The following LTO1 variants were observed in gnomAD, a reference collection of about 807,000 sequenced individuals.
The protein encoded by LTO1 is protein LTO1 homolog.
Under a neutral mutation model 19.8 loss-of-function variants are expected in LTO1, and 18 were observed. The observed-to-expected ratio is 0.91, with a 90% CI of 0.63 to 1.35. The LOEUF (loss-of-function observed/expected upper bound fraction) is 1.35. Among genes scored for constraint, LTO1 ranks in the 40% most tolerant of loss-of-function variants. LTO1 has a pLI of 0.00. For synonymous variants in LTO1, 59 were observed against 59.6 expected (o/e 0.99, Z 0.05); for missense variants, 175 against 167.9 (o/e 1.04, Z -0.23).
rs746871407 is a variant in LTO1, at chr11:69,667,526, G to C, written c.407C>G (p.Ser136Ter). 14 of 1,605,512 alleles carry C rather than the reference G, an allele frequency of 8.7e-6. No homozygotes were observed. Among genetic ancestry groups the C allele is most frequent in the African/African-American group, 1.3e-5 (1 of 74,762 alleles). Residue 136 changes from serine (S) to a stop codon, truncating the protein, a stop_gained, in exon 5 of 5, where the codon TCA (serine) becomes TGA (stop). Coordinates refer to ENST00000279147, the MANE Select transcript of LTO1 (RefSeq NM_153451.3). LOFTEE classifies it high-confidence loss of function. Reference sequence around the variant, plus strand: ...TCTGTTCATCCATCCTCCTCAAAATGAAAGTCCGGAACCTTCTGCACTAAT... The same window carrying C: ...TCTGTTCATCCATCCTCCTCAAAATCAAAGTCCGGAACCTTCTGCACTAAT... The part of the protein sequence containing the change: ...FKISAEGSGL[S>*]F
intron 2 of LTO1, 107 bp from the exon 3 acceptor site, chr11:69,671,926 T>C: frequency 1.4e-6 from 1 of 738,324 alleles, no homozygotes; most frequent in Non-Finnish European, 2.5e-6. Context: ...GCGGTGCTTC[T>C]CACACTATTG....
In LTO1 at chr11:69,665,830, CGG is replaced by C. The variant is rs1565077568; in HGVS notation, c.*1687_*1688del. The C allele has an allele frequency of 3.9e-5, 6 of 152,182 alleles. No homozygotes were observed. The highest frequency in any genetic ancestry group is 1.4e-4 in the African/African-American group (6 of 41,510). The allele number at this position is 152,182 out of a possible 1,614,324, so 9.4% of individuals were successfully genotyped here. A position where few individuals can be genotyped will look rare whatever the true frequency, so the allele number is the denominator to read the frequency against. On this transcript the variant is annotated 3_prime_UTR_variant, in exon 5 of 5. Transcript: ENST00000279147. Reference sequence around the variant, plus strand: ...CAGCCACACACGCAGGTTTAGAGTTCGGGAGGAGGAGACCTAAGTCCTGTCTT... The same window carrying C: ...CAGCCACACACGCAGGTTTAGAGTTCGAGGAGGAGACCTAAGTCCTGTCTT...
At chr11:69,674,654 C>A (rs113966981) in intron 1 of LTO1, 20,747 of 408,918 alleles carry the variant, frequency 0.051, 714 homozygotes, top group African/African-American at 0.1. Flanking sequence ...AATGTTCGGC[C>A]GCTTTCTTAA....
chr11:69,668,839 C>T (rs1197045496), intron 3 of LTO1, among the ~76,000 whole-genome samples: 1 of 151,760 alleles, frequency 6.6e-6, no homozygotes, highest in Admixed American at 6.6e-5. Context: ...ACCAGCCTGA[C>T]CAATATGGTG....
chr11:69,669,366 T>C (rs1045397613), intron 3 of LTO1, among the ~76,000 whole-genome samples: 3 of 152,194 alleles, frequency 2.0e-5, no homozygotes, highest in Non-Finnish European at 2.9e-5. Context: ...TCCTGTGTAC[T>C]TGCAAACAGC....
chr11:69,666,700 C>A lies in LTO1; in HGVS notation c.*819G>T, dbSNP rs1856037175. 6.6e-6 allele frequency: 1 copy of A among 152,268 alleles called. No homozygotes were observed. The highest frequency in any genetic ancestry group is 2.1e-4 in the South Asian group (1 of 4,836). The allele number at this position is 152,268 out of a possible 1,614,324, so 9.4% of individuals were successfully genotyped here. On this transcript the variant is annotated 3_prime_UTR_variant, in exon 5 of 5. Coordinates refer to ENST00000279147, the MANE Select transcript of LTO1 (RefSeq NM_153451.3). ...TTTTTAATGCTGCAAAGCTCATCGC[C>A]CCTCTAGGGACAGTGCAAAGGATAT... is the stretch of plus-strand genomic sequence containing the variant.
Position 69,675,249 on chromosome 11 carries a change from C to CA in LTO1, c.-11dup, listed in dbSNP as rs1001982666. 2 of 1,493,262 alleles carry CA rather than the reference C, an allele frequency of 1.3e-6. No homozygotes were observed. The highest frequency in any genetic ancestry group is 2.9e-5 in the African/African-American group (2 of 69,472). 92.5% of individuals were successfully genotyped at this position (1,493,262 alleles called of 1,614,324 possible). ...CCTGACTGCCAGCCATAGCGGCAAG[C>CA]AGCCCGCCCTTGGCCCCCGGGTTTC... On this transcript the variant is annotated 5_prime_UTR_variant, in exon 1 of 5. Transcript: ENST00000279147.
At chr11:69,668,755 C>T (rs1264938710) in intron 3 of LTO1, among the ~76,000 whole-genome samples, 2 of 151,638 alleles carry the variant, frequency 1.3e-5, no homozygotes, top group African/African-American at 4.9e-5. Flanking sequence ...GGGCCGGGCT[C>T]GGTGGCTCAC....
At chr11:69,673,684 T>TCTTC (rs1856145094) in intron 1 of LTO1, among the ~76,000 whole-genome samples, 1 of 141,578 alleles carries the variant, frequency 7.1e-6, no homozygotes, top group Admixed American at 7.5e-5. Context: ...TACTTTTCTT[T>TCTTC]CTTCCTTTTT....
intron 1 of LTO1, 78 bp from the exon 2 acceptor site, chr11:69,673,399 TA>T: frequency 1.0e-6 from 1 of 970,080 alleles, no homozygotes; most frequent in Non-Finnish European, 1.7e-6. Context: ...TCTCTTGTAT[TA>T]CCCGGACCCA....
chr11:69,673,633 C>T (rs1164962049), intron 1 of LTO1, among the ~76,000 whole-genome samples: 1 of 151,920 alleles, frequency 6.6e-6, no homozygotes. Flanking sequence ...AAAAGCCTCA[C>T]CCCCAGAGAT....
rs751536168 is a variant in LTO1, at chr11:69,675,231, G to C, written c.9C>G (p.Gly3=). 9 of 1,508,690 alleles carry C rather than the reference G, an allele frequency of 6.0e-6. No individual in the cohort carries two copies. The South Asian group carries it at 1.2e-4, about 20-fold the overall frequency. 93.5% of individuals were successfully genotyped at this position (1,508,690 alleles called of 1,614,324 possible). A position where few individuals can be genotyped will look rare whatever the true frequency, so the allele number is the denominator to read the frequency against. ...CGATGGCATCGAATATGTCCTGACT[G>C]CCAGCCATAGCGGCAAGCAGCCCGC... The part of the protein sequence containing the change: MA[G]SQDIFDAIVM... The change falls in exon 1 of 5, where the codon GGC becomes GGG. Residue 3 remains glycine, a synonymous_variant. Coordinates refer to ENST00000279147, the MANE Select transcript of LTO1 (RefSeq NM_153451.3).
chr11:69,675,240 A>C lies in LTO1; in HGVS notation c.-1T>G. On this transcript the variant is annotated 5_prime_UTR_variant, in exon 1 of 5. Coordinates refer to ENST00000279147, the MANE Select transcript of LTO1 (RefSeq NM_153451.3). ...CGAATATGTCCTGACTGCCAGCCATAGCGGCAAGCAGCCCGCCCTTGGCCC... is the reference window on the plus strand; with the variant it reads ...CGAATATGTCCTGACTGCCAGCCATCGCGGCAAGCAGCCCGCCCTTGGCCC... 6.7e-7 allele frequency: 1 copy of C among 1,497,476 alleles called. No homozygotes were observed. The highest frequency in any genetic ancestry group is 8.9e-7 in the Non-Finnish European group (1 of 1,124,836). 92.8% of individuals were successfully genotyped at this position (1,497,476 alleles called of 1,614,324 possible).
intron 3 of LTO1, among the ~76,000 whole-genome samples, chr11:69,668,905 G>C (rs922510730): frequency 1.3e-5 from 2 of 151,994 alleles, no homozygotes; most frequent in African/African-American, 4.8e-5. Context: ...GTGTGTGCCT[G>C]TAGTCCCAGC....
chr11:69,674,385 AGT>A (rs1235295273), intron 1 of LTO1, among the ~76,000 whole-genome samples: 1 of 152,216 alleles, frequency 6.6e-6, no homozygotes, highest in Non-Finnish European at 1.5e-5. Context: ...GAGGCCCAAC[AGT>A]GGAACTGCCA....
chr11:69,673,727 G>A (rs1274358399), intron 1 of LTO1, among the ~76,000 whole-genome samples: 1 of 117,074 alleles, frequency 8.5e-6, no homozygotes, highest in Non-Finnish European at 1.7e-5. Flanking sequence ...GGTCTCTGTT[G>A]CCCTGCCTGG....
chr11:69,673,249 A>C lies in LTO1; in HGVS notation c.123T>G (p.His41Gln). The change falls in exon 2 of 5, where the codon CAT becomes CAG. Residue 41 changes from histidine to glutamine, a missense_variant. His to Gln is a conservative substitution (Grantham distance 24). Coordinates refer to ENST00000279147, the MANE Select transcript of LTO1 (RefSeq NM_153451.3). ...SSLGVMEGRQ[H>Q]GTLHGAKIGS... ...CGATTTTGGCTCCATGCAGCGTGCC[A>C]TGCTGCCTTCCCTCCATCACACCCA... 6.2e-7 allele frequency: 1 copy of C among 1,613,516 alleles called. No individual in the cohort carries two copies.
At chr11:69,673,978 C>T (rs2119853193) in intron 1 of LTO1, among the ~76,000 whole-genome samples, 1 of 152,276 alleles carries the variant, frequency 6.6e-6, no homozygotes, top group African/African-American at 2.4e-5. Context: ...CTCAGCCTCC[C>T]AAGTAGCTGA....
At chr11:69,670,115 T>A (rs1419904493) in intron 3 of LTO1, among the ~76,000 whole-genome samples, 2 of 151,510 alleles carry the variant, frequency 1.3e-5, no homozygotes, top group Non-Finnish European at 2.9e-5. Context: ...TACTACTGGA[T>A]GGGATGAGGG....
Sources: gnomAD v4.1 joint callset for allele counts (sites outside exome capture counted in the v4.1 genomes callset) on GRCh38, gnomAD v4.1.1 for gene constraint, MANE v1.5 for transcripts, NCBI Gene and HGNC (gene_info 2026-07-23, HGNC 2026-07-21) for gene names.